Variants in DLGAP2 observed in about 807,000 individuals in gnomAD.
DLGAP2 encodes DLG associated protein 2.
DLGAP2 carries 26 observed loss-of-function variants against 100.3 expected under a neutral mutation model. The observed-to-expected ratio is 0.26, with a 90% CI of 0.19 to 0.36. The LOEUF (loss-of-function observed/expected upper bound fraction) is 0.36. Among genes scored for constraint, DLGAP2 ranks in the 10% least tolerant of loss-of-function variants. The probability of loss-of-function intolerance (pLI) is 1.00; values close to 1 mark genes in which losing one functional copy is unlikely to be tolerated. For missense variants in DLGAP2, 1,858 were observed against 1,453.2 expected (o/e 1.28, Z -4.53); for synonymous variants, 886 against 630.1 (o/e 1.41, Z -6.08).
chr8:1,225,190 G>C (rs1020189538), intron 2 of DLGAP2, among the ~76,000 whole-genome samples: 1 of 152,208 alleles, frequency 6.6e-6, no homozygotes, highest in African/African-American at 2.4e-5. Context: ...GATGTCCACA[G>C]GGGTGGATGG....
chr8:1,213,384 C>T (rs954064501), intron 2 of DLGAP2, among the ~76,000 whole-genome samples: 1 of 149,478 alleles, frequency 6.7e-6, no homozygotes, highest in African/African-American at 2.6e-5. Context: ...CAATGATAAT[C>T]CAGTATGTCT....
At chr8:793,885 G>T (rs959540304) in intron 1 of DLGAP2, among the ~76,000 whole-genome samples, 1 of 152,182 alleles carries the variant, frequency 6.6e-6, no homozygotes, top group Non-Finnish European at 1.5e-5. Context: ...CGGCTTCTCA[G>T]CTTTGTTTCC....
intron 1 of DLGAP2, among the ~76,000 whole-genome samples, chr8:808,867 T>C (rs568149469): frequency 6.6e-6 from 1 of 152,156 alleles, no homozygotes; most frequent in African/African-American, 2.4e-5. Flanking sequence ...CTTAGGTACT[T>C]AGTACCTTTC....
At chr8:1,445,279 C>T (rs1375951802) in intron 3 of DLGAP2, among the ~76,000 whole-genome samples, 4 of 129,874 alleles carry the variant, frequency 3.1e-5, no homozygotes, top group African/African-American at 1.2e-4. Flanking sequence ...TGATGTTCCC[C>T]TTTCTGTGTC....
At chr8:915,427 G>A (rs188936420) in intron 2 of DLGAP2, among the ~76,000 whole-genome samples, 53 of 152,238 alleles carry the variant, frequency 3.5e-4, no homozygotes, top group African/African-American at 6.0e-4. Context: ...GGCACCTGTA[G>A]TCCTAGCTAC....
chr8:829,933 C>A (rs751361736), intron 1 of DLGAP2, among the ~76,000 whole-genome samples: 47 of 152,178 alleles, frequency 3.1e-4, no homozygotes, highest in African/African-American at 1.1e-3. Flanking sequence ...TTATTGACAA[C>A]AATGTTCAAT....
At chr8:1,687,983 G>A (rs944208132) in intron 12 of DLGAP2, among the ~76,000 whole-genome samples, 1 of 151,978 alleles carries the variant, frequency 6.6e-6, no homozygotes, top group Non-Finnish European at 1.5e-5. Flanking sequence ...TCCTCCCCTC[G>A]TCATCAGCGA....
At chr8:790,899 C>G (rs1301455359) in intron 1 of DLGAP2, among the ~76,000 whole-genome samples, 1 of 152,096 alleles carries the variant, frequency 6.6e-6, no homozygotes, top group Non-Finnish European at 1.5e-5. Context: ...GTGCACGCCA[C>G]CATGCCTGAC....
At chr8:1,043,529 C>G (rs770494853) in intron 2 of DLGAP2, among the ~76,000 whole-genome samples, 4 of 151,902 alleles carry the variant, frequency 2.6e-5, no homozygotes, top group Non-Finnish European at 5.9e-5. Context: ...CTTCGTAGGA[C>G]AAAGGATTCT....
intron 3 of DLGAP2, among the ~76,000 whole-genome samples, chr8:1,424,541 C>G (rs1164032535): frequency 6.6e-6 from 1 of 152,250 alleles, no homozygotes; most frequent in East Asian, 1.9e-4. Flanking sequence ...ACCCTGAGGA[C>G]ACTATGCTGA....
chr8:1,330,029 C>G (rs1377112455), intron 3 of DLGAP2, among the ~76,000 whole-genome samples: 1 of 152,204 alleles, frequency 6.6e-6, no homozygotes, highest in Admixed American at 6.5e-5. Context: ...AACGGATGTC[C>G]ATTAAAGTGG....
At chr8:1,011,599 G>A (rs1183195207) in intron 2 of DLGAP2, among the ~76,000 whole-genome samples, 2 of 149,032 alleles carry the variant, frequency 1.3e-5, no homozygotes, top group African/African-American at 2.5e-5. Flanking sequence ...AGCCCTGGAC[G>A]AGGTTCCTCA....
chr8:1,429,491 G>A (rs1797346088), intron 3 of DLGAP2, among the ~76,000 whole-genome samples: 1 of 152,132 alleles, frequency 6.6e-6, no homozygotes, highest in South Asian at 2.1e-4. Flanking sequence ...GATACAAAAG[G>A]CTGGGTTAAC....
chr8:1,525,191 C>CTTTTTTTTT (rs56358216), intron 4 of DLGAP2, among the ~76,000 whole-genome samples: 5 of 103,672 alleles, frequency 4.8e-5, no homozygotes, highest in African/African-American at 1.1e-4. Flanking sequence ...ACTCTGATGT[C>CTTTTTTTTT]TTTTTTTTTT....
At chr8:1,267,588 T>TAAAAAAAATAAA (rs1259205393) in intron 3 of DLGAP2, among the ~76,000 whole-genome samples, 11 of 33,962 alleles carry the variant, frequency 3.2e-4, no homozygotes, top group African/African-American at 1.0e-3. Flanking sequence ...TAAAATAAAA[T>TAAAAAAAATAAA]AAGATAAGAT....
intron 2 of DLGAP2, among the ~76,000 whole-genome samples, chr8:1,183,856 G>A (rs1057438719): frequency 2.6e-5 from 4 of 152,218 alleles, no homozygotes; most frequent in African/African-American, 9.6e-5. Flanking sequence ...TTCAGCAGGT[G>A]TGCACCCTGG....
At chr8:882,812 C>G (rs1797837219) in intron 1 of DLGAP2, among the ~76,000 whole-genome samples, 1 of 152,262 alleles carries the variant, frequency 6.6e-6, no homozygotes, top group South Asian at 2.1e-4. Context: ...CGGCATCTCT[C>G]CCTGGCGTCA....
At chr8:1,044,973 T>C (rs116078525) in intron 2 of DLGAP2, among the ~76,000 whole-genome samples, 77 of 152,368 alleles carry the variant, frequency 5.1e-4, no homozygotes, top group African/African-American at 1.7e-3. Context: ...AGGAATATGC[T>C]TACCTTCAGC....
In DLGAP2 at chr8:1,316,530, C is replaced by T; in HGVS notation, c.106+57647C>T. ...AGTGGTCTACACTCGAGACACTCGGCAGCGTTTAAAAATAGAGGCTGTGCG... is the reference window on the plus strand; with the variant it reads ...AGTGGTCTACACTCGAGACACTCGGTAGCGTTTAAAAATAGAGGCTGTGCG... On this transcript the variant is annotated intron_variant, in intron 3 of 14. Coordinates refer to ENST00000637795, the MANE Select transcript of DLGAP2 (RefSeq NM_001346810.2). Among the ~76,000 whole-genome samples the T allele has an allele frequency of 1.5e-5, 2 of 132,886 alleles. 1 individual carries two copies. Among genetic ancestry groups the T allele is most frequent in the South Asian group, 5.1e-4 (2 of 3,898 alleles). The allele number at this position is 132,886 out of a possible 152,430, so 87.2% of individuals were successfully genotyped here.
Sources: gnomAD v4.1 joint callset for allele counts (sites outside exome capture counted in the v4.1 genomes callset) on GRCh38, gnomAD v4.1.1 for gene constraint, MANE v1.5 for transcripts, NCBI Gene and HGNC (gene_info 2026-07-23, HGNC 2026-07-21) for gene names.